Variants in FSIP2 observed in about 807,000 individuals in gnomAD.
The protein encoded by FSIP2 is fibrous sheath interacting protein 2.
In FSIP2, 367 loss-of-function variants were observed where a neutral mutation model predicts 510.5. The observed-to-expected ratio is 0.72, with a 90% CI of 0.66 to 0.78. The LOEUF (loss-of-function observed/expected upper bound fraction) is 0.78. Among genes scored for constraint, FSIP2 ranks in the 30% least tolerant of loss-of-function variants. FSIP2 has a pLI of 0.00. For synonymous variants in FSIP2, 2,601 were observed against 2,732.2 expected (o/e 0.95, Z 1.50); for missense variants, 7,594 against 7,901.7 (o/e 0.96, Z 1.48).
chr2:185,770,394 A>G (rs571762560), intron 13 of FSIP2, among the ~76,000 whole-genome samples: 16 of 152,258 alleles, frequency 1.1e-4, no homozygotes, highest in Middle Eastern at 3.4e-3. Context: ...GCACGGCACC[A>G]GAATTGCTTC....
At chr2:185,786,217 T>A in intron 14 of FSIP2, 35 bp from the exon 15 acceptor site, 4 of 1,419,328 alleles carry the variant, frequency 2.8e-6, no homozygotes, top group Non-Finnish European at 2.8e-6. Flanking sequence ...TTTTTGACTC[T>A]ATGTAATAAC....
intron 15 of FSIP2, among the ~76,000 whole-genome samples, chr2:185,787,415 A>ATGT (rs1356570387): frequency 6.6e-6 from 1 of 151,680 alleles, no homozygotes; most frequent in Non-Finnish European, 1.5e-5. Context: ...TTTTCTTTGA[A>ATGT]TGTTTCTCTG....
rs1419148155 is a variant in FSIP2, at chr2:185,800,734, G to C, written c.11428G>C (p.Asp3810His). 5 of 1,533,678 alleles carry C rather than the reference G, an allele frequency of 3.3e-6. No homozygotes were observed. The highest frequency in any genetic ancestry group is 4.4e-6 in the Non-Finnish European group (5 of 1,145,380). ...ATCTGATTATCGTAAGGGAGGAATG[G>C]ACTGTGAATGCCTTCAAGTAGATTA... ...GKSDYRKGGM[D>H]CECLQVDYMS... is the part of the protein sequence containing the mutation. The change falls in exon 17 of 23, where the codon GAC becomes CAC. Residue 3810 changes from aspartate (D) to histidine (H), a missense_variant. By Grantham distance (81) the Asp-to-His change is moderately conservative. Coordinates refer to ENST00000424728, the MANE Select transcript of FSIP2 (RefSeq NM_173651.4).
chr2:185,796,969 G>A lies in FSIP2; in HGVS notation c.9833G>A (p.Ser3278Asn), dbSNP rs1439725062. Residue 3278 changes from serine to asparagine, a missense_variant, in exon 16 of 23, where the codon AGT (serine) becomes AAT (asparagine). Ser to Asn is a conservative substitution (Grantham distance 46). Transcript: ENST00000424728. ...TTACAAAAGCTGCTTAGGAAAGCAAGTGACTCCACAGAAGCAGCATTAAAG... is the reference window on the plus strand; with the variant it reads ...TTACAAAAGCTGCTTAGGAAAGCAAATGACTCCACAGAAGCAGCATTAAAG... Reference protein sequence around the residue: ...SFLQKLLRKASDSTEAALKQV... With the variant: ...SFLQKLLRKANDSTEAALKQV... The A allele has an allele frequency of 1.3e-6, 2 of 1,535,022 alleles. No individual in the cohort carries two copies. The highest frequency in any genetic ancestry group is 2.0e-5 in the Admixed American group (1 of 50,910).
chr2:185,754,577 G>A (rs1009001328), intron 8 of FSIP2, among the ~76,000 whole-genome samples: 1 of 151,232 alleles, frequency 6.6e-6, no homozygotes, highest in East Asian at 2.0e-4. Context: ...TTGTACTGTC[G>A]CTTGCTACAT....
Position 185,793,330 on chromosome 2 carries a change from A to G in FSIP2, c.6194A>G (p.Asp2065Gly), listed in dbSNP as rs574426190. The change falls in exon 16 of 23, where the codon GAT becomes GGT. Residue 2065 changes from aspartate to glycine, a missense_variant. Physicochemically the swap from Asp to Gly is moderately conservative, Grantham distance 94 (BLOSUM62 -1). Coordinates refer to ENST00000424728, the MANE Select transcript of FSIP2 (RefSeq NM_173651.4). Reference sequence around the variant, plus strand: ...AAAAACAGTTCTGACAAAGAGATCGATTTAGATCAGCAAAAAGGTGTTATT... The same window carrying G: ...AAAAACAGTTCTGACAAAGAGATCGGTTTAGATCAGCAAAAAGGTGTTATT... ...CDKNSSDKEI[D>G]LDQQKGVIEK... The G allele has an allele frequency of 3.3e-4, 513 of 1,534,252 alleles. 1 individual carries two copies. The African/African-American group carries it at 6.1e-3, about 18-fold the overall frequency.
rs1311288117 is a variant in FSIP2, at chr2:185,789,570, A to G, written c.2434A>G (p.Thr812Ala). The change falls in exon 16 of 23, where the codon ACT becomes GCT. Residue 812 changes from threonine (T) to alanine (A), a missense_variant. Transcript: ENST00000424728. ...ACCTTTGAAAAATTCAATGCCTCATACTTTGGACCCAATGTGTGATATTGC... is the reference window on the plus strand; with the variant it reads ...ACCTTTGAAAAATTCAATGCCTCATGCTTTGGACCCAATGTGTGATATTGC... Reference protein sequence around the residue: ...GKPLKNSMPHTLDPMCDIAED... With the variant: ...GKPLKNSMPHALDPMCDIAED... 2 of 1,534,868 alleles carry G rather than the reference A, an allele frequency of 1.3e-6. No individual in the cohort carries two copies. The highest frequency in any genetic ancestry group is 4.9e-5 in the East Asian group (2 of 40,854).
rs980209099 is a variant in FSIP2, at chr2:185,790,036, A to G, written c.2900A>G (p.Asp967Gly). The change falls in exon 16 of 23, where the codon GAC (aspartate) becomes GGC (glycine). Residue 967 changes from aspartate to glycine, a missense_variant. Asp to Gly is a moderately conservative substitution (Grantham distance 94). Coordinates refer to ENST00000424728, the MANE Select transcript of FSIP2 (RefSeq NM_173651.4). ...SRQPRISSPS[D>G]TKEKYRLTGT... is the part of the protein sequence containing the mutation. ...CAACCTAGAATAAGTAGTCCTTCTG[A>G]CACCAAAGAAAAGTACAGACTCACT... 6.5e-6 allele frequency: 10 copies of G among 1,533,582 alleles called. No individual in the cohort carries two copies. In the African/African-American group the frequency reaches 1.4e-4, roughly 21 times the overall value. The allele number at this position is 1,533,582 out of a possible 1,614,324, so 95.0% of individuals were successfully genotyped here. A position where few individuals can be genotyped will look rare whatever the true frequency, so the allele number is the denominator to read the frequency against.
Position 185,800,659 on chromosome 2 carries a change from G to C in FSIP2, c.11353G>C (p.Ala3785Pro). 6.5e-7 allele frequency: 1 copy of C among 1,534,078 alleles called. No individual in the cohort carries two copies. Among genetic ancestry groups the C allele is most frequent in the East Asian group, 2.5e-5 (1 of 40,812 alleles). ...AGGGTCTGTTTCAGAGGAAACATCA[G>C]CAGAAGAATGTCAACTTTTAAAAAT... ...DKGSVSEETSAEECQLLKMLQ... is the reference protein window; with the variant it reads ...DKGSVSEETSPEECQLLKMLQ... Residue 3785 changes from alanine (A) to proline (P), a missense_variant, in exon 17 of 23, where the codon GCA (alanine) becomes CCA (proline). Transcript: ENST00000424728.
rs115046550 is a variant in FSIP2 at position 185,761,994 on chromosome 2, A to T, written c.1217A>T (p.Asn406Ile). The T allele has an allele frequency of 1.5e-3, 2,296 of 1,485,778 alleles. 13 individuals are homozygous for T. The highest frequency in any genetic ancestry group is 7.7e-3 in the Middle Eastern group (45 of 5,824). 92.0% of individuals were successfully genotyped at this position (1,485,778 alleles called of 1,614,324 possible). A position where few individuals can be genotyped will look rare whatever the true frequency, so the allele number is the denominator to read the frequency against. The part of the protein sequence containing the change: ...NQKRDGMVSK[N>I]SSIFDDRGGI... ...TAGAGAGATGGGATGGTATCTAAAA[A>T]CTCAAGTATTTTCGATGATAGAGGT... The change falls in exon 11 of 23, where the codon AAC (asparagine) becomes ATC (isoleucine). Residue 406 changes from asparagine to isoleucine, a missense_variant. By Grantham distance (149) the Asn-to-Ile change is moderately radical (BLOSUM62 -3). Coordinates refer to ENST00000424728, the MANE Select transcript of FSIP2 (RefSeq NM_173651.4).
intron 2 of FSIP2, among the ~76,000 whole-genome samples, chr2:185,739,982 C>A (rs972857709): frequency 6.6e-6 from 1 of 152,042 alleles, no homozygotes; most frequent in Non-Finnish European, 1.5e-5. Context: ...AGTACTTTAA[C>A]CTTACTTTAA....
At position 185,793,771 on chromosome 2, in the gene FSIP2, A is replaced by G; in HGVS notation, c.6635A>G (p.Glu2212Gly). Residue 2212 changes from glutamate (E) to glycine (G), a missense_variant, in exon 16 of 23, where the codon GAG becomes GGG. Coordinates refer to ENST00000424728, the MANE Select transcript of FSIP2 (RefSeq NM_173651.4). ...LKGSKTERKT[E>G]RFSYSRNQKS... The stretch of plus-strand genomic sequence containing the variant: ...GGGTCAAAAACTGAAAGAAAAACAG[A>G]GCGTTTTTCATATTCAAGAAATCAG... 6.5e-7 allele frequency: 1 copy of G among 1,532,612 alleles called. No homozygotes were observed. The highest frequency in any genetic ancestry group is 8.7e-7 in the Non-Finnish European group (1 of 1,144,974). 94.9% of individuals were successfully genotyped at this position (1,532,612 alleles called of 1,614,324 possible).
chr2:185,810,662 G>C (rs1345307331), intron 17 of FSIP2, among the ~76,000 whole-genome samples: 1 of 150,836 alleles, frequency 6.6e-6, no homozygotes, highest in South Asian at 2.1e-4. Context: ...CTGAAAATAC[G>C]GAAGCACCTT....
intron 19 of FSIP2, among the ~76,000 whole-genome samples, chr2:185,816,889 GAA>G (rs1198740507): frequency 1.5e-4 from 21 of 142,564 alleles, no homozygotes; most frequent in Non-Finnish European, 2.6e-4. Context: ...GAAGACGAAA[GAA>G]AGAGAAAGAA....
In FSIP2 at chr2:185,809,056, C is replaced by A; in HGVS notation, c.19750C>A (p.Pro6584Thr). 6.2e-7 allele frequency: 1 copy of A among 1,607,940 alleles called. No homozygotes were observed. ...ISGRNYSLGS[P>T]DLEKRKTERR... ...TGGGAGAAATTACTCCTTAGGATCA[C>A]CTGATTTAGAAAAGAGAAAGACAGA... The change falls in exon 17 of 23, where the codon CCT (proline) becomes ACT (threonine). Residue 6584 changes from proline (P) to threonine (T), a missense_variant. Pro to Thr is a conservative substitution (Grantham distance 38, BLOSUM62 -1). Transcript: ENST00000424728.
chr2:185,750,106 T>G (rs768422630), intron 7 of FSIP2, among the ~76,000 whole-genome samples: 1 of 151,782 alleles, frequency 6.6e-6, no homozygotes, highest in Non-Finnish European at 1.5e-5. Context: ...GAGATGTTAG[T>G]GCAAAATGTA....
At chr2:185,753,351 C>T (rs985025199) in intron 7 of FSIP2, among the ~76,000 whole-genome samples, 1 of 151,280 alleles carries the variant, frequency 6.6e-6, no homozygotes, top group Non-Finnish European at 1.5e-5. Flanking sequence ...ATTTTATGTA[C>T]TATATTATGT....
intron 7 of FSIP2, among the ~76,000 whole-genome samples, chr2:185,749,158 A>G (rs1692094743): frequency 6.6e-6 from 1 of 151,930 alleles, no homozygotes; most frequent in Non-Finnish European, 1.5e-5. Context: ...AAATTATAGC[A>G]TCAGCTTATT....
Position 185,790,882 on chromosome 2 carries a change from G to A in FSIP2, c.3746G>A (p.Gly1249Glu). The stretch of plus-strand genomic sequence containing the variant: ...GAAAAGCCTCCCTGGTTAAAATCTG[G>A]AAAAAGTGAACCTAAACCTGTAGAT... ...DPEKPPWLKS[G>E]KSEPKPVDDI... The change falls in exon 16 of 23, where the codon GGA becomes GAA. Residue 1249 changes from glycine to glutamate, a missense_variant. Transcript: ENST00000424728. The A allele has an allele frequency of 6.5e-7, 1 of 1,530,792 alleles. No individual in the cohort carries two copies. The highest frequency in any genetic ancestry group is 8.7e-7 in the Non-Finnish European group (1 of 1,144,268). 94.8% of individuals were successfully genotyped at this position (1,530,792 alleles called of 1,614,324 possible). A position where few individuals can be genotyped will look rare whatever the true frequency, so the allele number is the denominator to read the frequency against.
Sources: gnomAD v4.1 joint callset for allele counts (sites outside exome capture counted in the v4.1 genomes callset) on GRCh38, gnomAD v4.1.1 for gene constraint, MANE v1.5 for transcripts, NCBI Gene and HGNC (gene_info 2026-07-23, HGNC 2026-07-21) for gene names.